Variants in PRICKLE2 observed in about 807,000 individuals in gnomAD.
PRICKLE2 encodes prickle planar cell polarity protein 2, also known as prickle-like protein 2.
Under a neutral mutation model 81.4 loss-of-function variants are expected in PRICKLE2, and 21 were observed. That is an observed-to-expected ratio of 0.26 (90% confidence interval 0.18 to 0.37). The LOEUF (loss-of-function observed/expected upper bound fraction) is 0.37, where lower values mean the gene tolerates loss of function less well. PRICKLE2 is among the 10% of genes least tolerant of loss of function. The pLI is 1.00. For synonymous variants in PRICKLE2, 456 were observed against 421.5 expected (o/e 1.08, Z -1.00); for missense variants, 940 against 1,109.0 (o/e 0.85, Z 2.16).
intron 2 of PRICKLE2, among the ~76,000 whole-genome samples, chr3:64,231,408 GT>G (rs1159576345): frequency 6.6e-6 from 1 of 152,154 alleles, no homozygotes; most frequent in Admixed American, 6.5e-5. Flanking sequence ...ATAATGGCAG[GT>G]TTTGGGAACT....
intron 7 of PRICKLE2, chr3:64,106,132 G>C (rs2076751758): frequency 6.6e-6 from 1 of 152,180 alleles, no homozygotes; most frequent in Non-Finnish European, 1.5e-5. Context: ...AGGAAAGAAA[G>C]CATGCCTCAA....
chr3:64,153,448 T>G, intron 5 of PRICKLE2, 80 bp from the exon 6 acceptor site: 1 of 1,376,958 alleles, frequency 7.3e-7, no homozygotes, highest in Non-Finnish European at 1.0e-6. Context: ...ATGGGGTCCT[T>G]GAACTAGAAG....
chr3:64,236,133 T>C (rs752901039), intron 2 of PRICKLE2, among the ~76,000 whole-genome samples: 5 of 152,200 alleles, frequency 3.3e-5, no homozygotes, highest in Non-Finnish European at 7.3e-5. Flanking sequence ...AATGATTGTT[T>C]TGTTGATTAA....
intron 3 of PRICKLE2, 68 bp from the exon 4 acceptor site, chr3:64,160,145 C>A: frequency 6.4e-7 from 1 of 1,557,008 alleles, no homozygotes; most frequent in African/African-American, 1.4e-5. Flanking sequence ...AAGCCCATGA[C>A]TCTGAGTTTT....
intron 7 of PRICKLE2, among the ~76,000 whole-genome samples, chr3:64,112,065 G>C (rs1019541381): frequency 4.6e-5 from 7 of 152,110 alleles, no homozygotes; most frequent in African/African-American, 1.7e-4. Flanking sequence ...TGGCACACAT[G>C]GTTCCACCTG....
At chr3:64,198,129 G>A (rs908527337) in intron 2 of PRICKLE2, among the ~76,000 whole-genome samples, 19 of 151,916 alleles carry the variant, frequency 1.3e-4, no homozygotes, top group Admixed American at 1.0e-3. Context: ...GGAGAATGGC[G>A]TGAACCCGGG....
chr3:64,188,371 A>G (rs1310594348), intron 2 of PRICKLE2, among the ~76,000 whole-genome samples: 1 of 152,204 alleles, frequency 6.6e-6, no homozygotes, highest in African/African-American at 2.4e-5. Flanking sequence ...TGGCTTTTCC[A>G]TTAGCCAACA....
At chr3:64,115,006 C>T (rs2076912386) in intron 7 of PRICKLE2, among the ~76,000 whole-genome samples, 1 of 152,312 alleles carries the variant, frequency 6.6e-6, no homozygotes, top group East Asian at 1.9e-4. Context: ...GACTTCTCAG[C>T]TGAAACCCTG....
At chr3:64,113,742 T>C (rs2076888044) in intron 7 of PRICKLE2, among the ~76,000 whole-genome samples, 1 of 151,264 alleles carries the variant, frequency 6.6e-6, no homozygotes, top group Admixed American at 6.6e-5. Context: ...CTTATACTAA[T>C]ACTGCACAGA....
At chr3:64,235,200 A>G (rs1401776490) in intron 2 of PRICKLE2, among the ~76,000 whole-genome samples, 1 of 152,172 alleles carries the variant, frequency 6.6e-6, no homozygotes, top group Admixed American at 6.5e-5. Flanking sequence ...TATACTTTTC[A>G]ACTCAAAATT....
chr3:64,126,470 C>G (rs2106977141), intron 7 of PRICKLE2, among the ~76,000 whole-genome samples: 1 of 152,332 alleles, frequency 6.6e-6, no homozygotes, highest in East Asian at 1.9e-4. Flanking sequence ...ACTGCCTCTG[C>G]AGCTGGTTTT....
At chr3:64,146,559 C>T (rs1025727230) in intron 7 of PRICKLE2, 12 of 396,462 alleles carry the variant, frequency 3.0e-5, no homozygotes, top group South Asian at 4.9e-5. Context: ...CCGGCTAACA[C>T]GGTGAAACAC....
chr3:64,167,819 C>A (rs940779022), intron 2 of PRICKLE2, among the ~76,000 whole-genome samples: 13 of 152,186 alleles, frequency 8.5e-5, no homozygotes, highest in Admixed American at 6.5e-4. Context: ...CCTGTTAAAA[C>A]ACAGATTTCT....
intron 7 of PRICKLE2, among the ~76,000 whole-genome samples, chr3:64,119,601 G>T (rs2076994103): frequency 1.3e-5 from 2 of 152,112 alleles, no homozygotes; most frequent in Non-Finnish European, 1.5e-5. Flanking sequence ...ACTTATGTAC[G>T]ATTGGTGCAA....
intron 1 of PRICKLE2, among the ~76,000 whole-genome samples, chr3:64,209,169 C>T (rs779563698): frequency 5.3e-5 from 8 of 152,066 alleles, no homozygotes; most frequent in Admixed American, 2.0e-4. Flanking sequence ...ACCCATCTAT[C>T]GATCCATTCA....
At chr3:64,164,904 C>A (rs2077802599) in intron 2 of PRICKLE2, among the ~76,000 whole-genome samples, 1 of 152,156 alleles carries the variant, frequency 6.6e-6, no homozygotes, top group Admixed American at 6.5e-5. Flanking sequence ...TCAGAAAAGT[C>A]CCTGTGCCAT....
At chr3:64,129,022 T>C (rs747141125) in intron 7 of PRICKLE2, among the ~76,000 whole-genome samples, 2 of 152,148 alleles carry the variant, frequency 1.3e-5, no homozygotes, top group African/African-American at 2.4e-5. Flanking sequence ...CCTTGGCCTC[T>C]ACCCACCAGA....
Position 64,147,518 on chromosome 3 carries a change from G to T in PRICKLE2, c.972C>A (p.Ser324=). ...CCTTGGCCCTGGCGTTCTGGAAGGC[G>T]GAATCAGAGGAGTCAGAACCATTGG... ...EDPNGSDSSD[S]AFQNARAKES... is the part of the protein sequence containing the mutation. The change falls in exon 7 of 8, where the codon TCC becomes TCA. Residue 324 remains serine (S), a synonymous_variant. Coordinates refer to ENST00000638394, the MANE Select transcript of PRICKLE2 (RefSeq NM_198859.4). This position sits in a 1 kb window ranked among gnomAD's most constrained non-coding sequence, Gnocchi z 5.0. 6.2e-7 allele frequency: 1 copy of T among 1,614,236 alleles called. No individual in the cohort carries two copies.
At chr3:64,264,564 C>T (rs2079669304) in intron 2 of PRICKLE2, among the ~76,000 whole-genome samples, 1 of 152,158 alleles carries the variant, frequency 6.6e-6, no homozygotes, top group African/African-American at 2.4e-5. Context: ...TCTTCTCCAG[C>T]CTGGACAACT....
Sources: allele counts gnomAD v4.1 joint callset (sites outside exome capture counted in the v4.1 genomes callset), GRCh38; gene constraint gnomAD v4.1.1; non-coding constraint Gnocchi (gnomAD v3.1); transcripts MANE v1.5; gene names NCBI Gene and HGNC (gene_info 2026-07-23, HGNC 2026-07-21).